Variants in UST observed in about 807,000 individuals in gnomAD.
The protein encoded by UST is chondroitin sulfate 2-O-sulfotransferase.
A neutral mutation model predicts 45.6 loss-of-function variants in UST; 21 were observed. That is an observed-to-expected ratio of 0.46 (90% CI 0.33 to 0.66). The LOEUF (loss-of-function observed/expected upper bound fraction) is 0.66. Among genes scored for constraint, UST ranks in the 30% least tolerant of loss-of-function variants. UST has a pLI of 0.02. For missense variants in UST, 463 were observed against 512.4 expected, an observed-to-expected ratio of 0.90 and a Z score of 0.93; for synonymous variants, 215 against 200.6, an observed-to-expected ratio of 1.07 and a Z score of -0.61.
intron 1 of UST, among the ~76,000 whole-genome samples, chr6:148,883,038 C>T (rs1052212514): frequency 3.3e-5 from 5 of 152,180 alleles, no homozygotes; most frequent in Non-Finnish European, 5.9e-5. Context: ...TGCGTATCCG[C>T]GCATCTCAAT....
chr6:148,826,174 G>A (rs1562269237), intron 1 of UST, among the ~76,000 whole-genome samples: 1 of 152,204 alleles, frequency 6.6e-6, no homozygotes, highest in Non-Finnish European at 1.5e-5. Context: ...AGTCAGTGGT[G>A]CAATCTCCAC....
chr6:148,970,284 G>A (rs1214161173), intron 5 of UST, among the ~76,000 whole-genome samples: 1 of 152,140 alleles, frequency 6.6e-6, no homozygotes, highest in Non-Finnish European at 1.5e-5. Context: ...GCTACCCCCT[G>A]CCACCTGTGC....
At chr6:148,918,324 T>G (rs1422841605) in intron 2 of UST, among the ~76,000 whole-genome samples, 2 of 152,234 alleles carry the variant, frequency 1.3e-5, no homozygotes, top group Non-Finnish European at 2.9e-5. Context: ...AGAAGCATTT[T>G]TATCCGGTCT....
chr6:148,847,218 G>T (rs1262008963), intron 1 of UST, among the ~76,000 whole-genome samples: 1 of 152,208 alleles, frequency 6.6e-6, no homozygotes, highest in African/African-American at 2.4e-5. Context: ...GTTCCTGTGG[G>T]CCAGGAGTCT....
intron 7 of UST, among the ~76,000 whole-genome samples, chr6:149,041,039 C>T (rs1188012908): frequency 6.6e-6 from 1 of 152,140 alleles, no homozygotes; most frequent in African/African-American, 2.4e-5. Context: ...TTAAATAAAA[C>T]CTAAAGAAAG....
intron 5 of UST, among the ~76,000 whole-genome samples, chr6:149,011,717 C>T (rs1775814702): frequency 6.6e-6 from 1 of 152,134 alleles, no homozygotes. Context: ...GAGGCTGAGG[C>T]AGGAGAATTG....
intron 2 of UST, among the ~76,000 whole-genome samples, chr6:148,925,346 A>G (rs1310848891): frequency 6.6e-6 from 1 of 152,234 alleles, no homozygotes; most frequent in East Asian, 1.9e-4. Flanking sequence ...AAGCAGGCAC[A>G]AGCTTTTTCA....
At chr6:148,879,941 CTTTTT>C (rs767195786) in intron 1 of UST, among the ~76,000 whole-genome samples, 10,989 of 109,928 alleles carry the variant, frequency 0.1, 753 homozygotes, top group African/African-American at 0.25. Context: ...TTTCTTTTTT[CTTTTT>C]TTTTTCTTTT....
chr6:148,789,463 A>T (rs902015129), intron 1 of UST, among the ~76,000 whole-genome samples: 1,773 of 140,622 alleles, frequency 0.013, 16 homozygotes, highest in Admixed American at 0.025. Context: ...TCACACACAC[A>T]CACACACACA....
chr6:148,856,911 C>A (rs1778215304), intron 1 of UST, among the ~76,000 whole-genome samples: 2 of 150,592 alleles, frequency 1.3e-5, no homozygotes, highest in African/African-American at 4.9e-5. Context: ...TTTATTATAG[C>A]TGAATTACTT....
At chr6:148,921,707 C>T (rs1186187587) in intron 2 of UST, among the ~76,000 whole-genome samples, 1 of 152,202 alleles carries the variant, frequency 6.6e-6, no homozygotes, top group Non-Finnish European at 1.5e-5. Flanking sequence ...CAGGATGGAC[C>T]TGGAGCATCC....
At chr6:148,756,454 A>C (rs1776101369) in intron 1 of UST, among the ~76,000 whole-genome samples, 1 of 152,228 alleles carries the variant, frequency 6.6e-6, no homozygotes, top group African/African-American at 2.4e-5. Context: ...CCAGGGAACC[A>C]GATATAGCTG....
At chr6:148,843,648 TGATTCCA>T (rs1273435862) in intron 1 of UST, among the ~76,000 whole-genome samples, 1 of 152,234 alleles carries the variant, frequency 6.6e-6, no homozygotes, top group Non-Finnish European at 1.5e-5. Flanking sequence ...GGAAAGTGGC[TGATTCCA>T]GATTCCAGAC....
intron 2 of UST, among the ~76,000 whole-genome samples, chr6:148,938,519 A>T (rs1172946325): frequency 6.6e-6 from 1 of 152,226 alleles, no homozygotes; most frequent in Non-Finnish European, 1.5e-5. Flanking sequence ...TGCAAAGGCA[A>T]AAATTCAAAT....
At chr6:148,795,834 G>A (rs888030655) in intron 1 of UST, among the ~76,000 whole-genome samples, 1 of 152,056 alleles carries the variant, frequency 6.6e-6, no homozygotes, top group Admixed American at 6.5e-5. Context: ...TTATTTTGCC[G>A]ATTCATTACG....
intron 2 of UST, among the ~76,000 whole-genome samples, chr6:148,918,730 G>A (rs530660601): frequency 6.6e-6 from 1 of 152,196 alleles, no homozygotes; most frequent in East Asian, 1.9e-4. Context: ...ACCTCGTTAT[G>A]GTGTGCATTT....
intron 2 of UST, among the ~76,000 whole-genome samples, chr6:148,923,524 T>C (rs974381887): frequency 6.6e-6 from 1 of 152,192 alleles, no homozygotes; most frequent in Non-Finnish European, 1.5e-5. Context: ...TTTTAATCAG[T>C]GTTTAAAGGG....
At chr6:149,058,439 C>G (rs146661866) in intron 7 of UST, among the ~76,000 whole-genome samples, 2 of 151,592 alleles carry the variant, frequency 1.3e-5, no homozygotes, top group South Asian at 4.2e-4. Flanking sequence ...GAGAAGTACC[C>G]TAGGCCTGCA....
At chr6:149,042,703 A>G (rs1274107775) in intron 7 of UST, among the ~76,000 whole-genome samples, 1 of 152,260 alleles carries the variant, frequency 6.6e-6, no homozygotes, top group Non-Finnish European at 1.5e-5. Context: ...CCGTTCCTAC[A>G]ACACTAAGTG....
Sources: allele counts gnomAD v4.1 joint callset (sites outside exome capture counted in the v4.1 genomes callset), GRCh38; gene constraint gnomAD v4.1.1; transcripts MANE v1.5; gene names NCBI Gene and HGNC (gene_info 2026-07-23, HGNC 2026-07-21).